ZNF609: variants seen among roughly 807,000 people sequenced by gnomAD.
The protein encoded by ZNF609 is zinc finger protein 609.
ZNF609 carries 11 observed loss-of-function variants against 109.5 expected under a neutral mutation model. The ratio of observed to expected loss-of-function variants is 0.10; its 90% CI spans 0.06 to 0.17. The LOEUF is 0.17. Ranked by LOEUF, ZNF609 falls within the 10% of genes least tolerant of loss-of-function variation. The probability of loss-of-function intolerance (pLI) is 1.00; values close to 1 mark genes in which losing one functional copy is unlikely to be tolerated. For missense variants in ZNF609, 1,559 were observed against 1,772.4 expected (o/e 0.88, Z 2.16); for synonymous variants, 646 against 662.0 (o/e 0.98, Z 0.37).
chr15:64,464,190 G>A (rs1892979959), intron 1 of ZNF609, among the ~76,000 whole-genome samples: 1 of 152,174 alleles, frequency 6.6e-6, no homozygotes, highest in African/African-American at 2.4e-5. Context: ...GCAACTAAAT[G>A]ACTGGAACAC....
intron 2 of ZNF609, among the ~76,000 whole-genome samples, chr15:64,551,940 C>G (rs1329194323): frequency 7.1e-6 from 1 of 140,254 alleles, no homozygotes; most frequent in Non-Finnish European, 1.6e-5. Context: ...GAGCCGAGGT[C>G]GCACCACTGC....
At chr15:64,492,878 T>C (rs1164023391) in intron 1 of ZNF609, among the ~76,000 whole-genome samples, 1 of 152,156 alleles carries the variant, frequency 6.6e-6, no homozygotes, top group Admixed American at 6.5e-5. Context: ...CCTCCTCGAA[T>C]TGAGTATAGC....
intron 3 of ZNF609, among the ~76,000 whole-genome samples, chr15:64,642,118 G>A (rs750081446): frequency 4.6e-5 from 7 of 152,192 alleles, no homozygotes; most frequent in Non-Finnish European, 7.3e-5. Context: ...CATGGCAAAA[G>A]CATTCTCTCT....
At chr15:64,637,844 T>G (rs1162813663) in intron 3 of ZNF609, among the ~76,000 whole-genome samples, 1 of 151,808 alleles carries the variant, frequency 6.6e-6, no homozygotes, top group Non-Finnish European at 1.5e-5. Flanking sequence ...CTGTTAATGG[T>G]GTCTTTGTCT....
intron 1 of ZNF609, among the ~76,000 whole-genome samples, chr15:64,491,772 G>T (rs1893416513): frequency 6.6e-6 from 1 of 152,140 alleles, no homozygotes; most frequent in African/African-American, 2.4e-5. Context: ...TTGAACCCAG[G>T]AGGTGGAGGT....
In ZNF609 at chr15:64,668,859, G is replaced by A. The variant is rs560815296; in HGVS notation, c.974-1487G>A. Among the ~76,000 whole-genome samples, 57 of 150,030 alleles carry A rather than the reference G, an allele frequency of 3.8e-4. 1 individual carries two copies. In the South Asian group the frequency reaches 5.3e-3, roughly 14 times the overall value. ...TCCTAGCTACTTGGGAGGCTGAGGC[G>A]GAGAATTGCTTGAACCCAGGAGGCG... is the stretch of plus-strand genomic sequence containing the variant. On this transcript the variant is annotated intron_variant, in intron 3 of 9. Coordinates refer to ENST00000326648, the MANE Select transcript of ZNF609 (RefSeq NM_015042.2).
At chr15:64,619,437 C>T (rs1428529636) in intron 2 of ZNF609, among the ~76,000 whole-genome samples, 5 of 152,184 alleles carry the variant, frequency 3.3e-5, no homozygotes, top group Admixed American at 3.3e-4. Flanking sequence ...TGCACTATGG[C>T]TTAATGTTAG....
At chr15:64,597,962 T>C (rs1177951383) in intron 2 of ZNF609, among the ~76,000 whole-genome samples, 2 of 152,096 alleles carry the variant, frequency 1.3e-5, no homozygotes, top group Non-Finnish European at 2.9e-5. Context: ...TCCTTTTCTT[T>C]CAAAATAAAA....
At chr15:64,610,074 C>T (rs1895692661) in intron 2 of ZNF609, among the ~76,000 whole-genome samples, 2 of 152,016 alleles carry the variant, frequency 1.3e-5, no homozygotes, top group Non-Finnish European at 2.9e-5. Context: ...TGAAGTGTCA[C>T]ACCTGTAATC....
intron 3 of ZNF609, among the ~76,000 whole-genome samples, chr15:64,651,082 G>A (rs1896408891): frequency 6.6e-6 from 1 of 152,074 alleles, no homozygotes; most frequent in Admixed American, 6.6e-5. Flanking sequence ...TTGATTTACA[G>A]ACCCATCTCA....
In ZNF609 at chr15:64,466,109, C is replaced by A. The variant is rs567521448; in HGVS notation, c.-128+5271C>A. On this transcript the variant is annotated intron_variant, in intron 1 of 9. Coordinates refer to ENST00000326648, the MANE Select transcript of ZNF609 (RefSeq NM_015042.2). ...CCAGCCTGGTCAACAAGAATGAAACCCTGTCTCAAAAAAAAAAAAAAAAAA... is the reference window on the plus strand; with the variant it reads ...CCAGCCTGGTCAACAAGAATGAAACACTGTCTCAAAAAAAAAAAAAAAAAA... Among the ~76,000 whole-genome samples the A allele has an allele frequency of 1.9e-4, 16 of 84,074 alleles. No individual in the cohort carries two copies. In the East Asian group the frequency reaches 5.6e-3, roughly 30 times the overall value. 55.2% of individuals were successfully genotyped at this position (84,074 alleles called of 152,430 possible). A position where few individuals can be genotyped will look rare whatever the true frequency, so the allele number is the denominator to read the frequency against.
Position 64,577,139 on chromosome 15 carries a change from A to AATATATAAATATATGTGT in ZNF609, c.748-45681_748-45680insAATATATGTGTATATATA, listed in dbSNP as rs1894991291. 7.1e-5 allele frequency among the ~76,000 whole-genome samples: 2 copies of AATATATAAATATATGTGT among 28,242 alleles called. 1 individual carries two copies. Among genetic ancestry groups the AATATATAAATATATGTGT allele is most frequent in the Non-Finnish European group, 2.8e-4 (2 of 7,198 alleles). The allele number at this position is 28,242 out of a possible 152,430, so 18.5% of individuals were successfully genotyped here. ...ACATATATGTGTATATATACACACA[A>AATATATAAATATATGTGT]ATATATACATATGTGTATATATACA... On this transcript the variant is annotated intron_variant, in intron 2 of 9. Coordinates refer to ENST00000326648, the MANE Select transcript of ZNF609 (RefSeq NM_015042.2).
chr15:64,656,352 C>G (rs551534572), intron 3 of ZNF609, among the ~76,000 whole-genome samples: 1 of 152,300 alleles, frequency 6.6e-6, no homozygotes, highest in Non-Finnish European at 1.5e-5. Context: ...CGTGAGCCAC[C>G]ATGCCTAGCT....
chr15:64,613,922 T>G (rs1895757031), intron 2 of ZNF609, among the ~76,000 whole-genome samples: 1 of 151,614 alleles, frequency 6.6e-6, no homozygotes, highest in Non-Finnish European at 1.5e-5. Flanking sequence ...TTGAAGATTT[T>G]TTTTTTTCTG....
At chr15:64,627,569 C>T (rs1248128295) in intron 3 of ZNF609, among the ~76,000 whole-genome samples, 1 of 151,946 alleles carries the variant, frequency 6.6e-6, no homozygotes, top group Non-Finnish European at 1.5e-5. Context: ...TTGGAAAAAT[C>T]CCTTAATTTT....
chr15:64,521,265 C>T (rs187917526), intron 2 of ZNF609, among the ~76,000 whole-genome samples: 1 of 152,314 alleles, frequency 6.6e-6, no homozygotes, highest in Non-Finnish European at 1.5e-5. Context: ...GTAACCAGCT[C>T]ATAAACAAGA....
intron 2 of ZNF609, among the ~76,000 whole-genome samples, chr15:64,592,637 G>C (rs1199957085): frequency 6.6e-6 from 1 of 151,788 alleles, no homozygotes; most frequent in Non-Finnish European, 1.5e-5. Flanking sequence ...AAGTTGGCCA[G>C]GCATGGTGGT....
At chr15:64,639,166 G>T (rs548819414) in intron 3 of ZNF609, among the ~76,000 whole-genome samples, 1 of 152,202 alleles carries the variant, frequency 6.6e-6, no homozygotes, top group South Asian at 2.1e-4. Context: ...AGAAATTATG[G>T]TTTGCTGCCA....
chr15:64,491,968 G>A (rs896262236), intron 1 of ZNF609, among the ~76,000 whole-genome samples: 7 of 152,206 alleles, frequency 4.6e-5, no homozygotes, highest in South Asian at 2.1e-4. Flanking sequence ...CGAGCCAGGC[G>A]TGGTGGCTCA....
Sources: allele counts gnomAD v4.1 joint callset (sites outside exome capture counted in the v4.1 genomes callset), GRCh38; gene constraint gnomAD v4.1.1; transcripts MANE v1.5; gene names NCBI Gene and HGNC (gene_info 2026-07-23, HGNC 2026-07-21).